The following APOBEC1 variants were observed in gnomAD, a reference collection of about 807,000 sequenced individuals.
APOBEC1 encodes apolipoprotein B mRNA editing enzyme catalytic subunit 1, also known as C->U-editing enzyme APOBEC-1.
APOBEC1 carries 22 observed loss-of-function variants against 26.3 expected under a neutral mutation model. The ratio of observed to expected loss-of-function variants is 0.84; its 90% CI spans 0.60 to 1.19. The LOEUF (loss-of-function observed/expected upper bound fraction) is 1.19, where lower values mean the gene tolerates loss of function less well. APOBEC1 is among the 50% of genes most tolerant of loss of function. The pLI, the probability that APOBEC1 is intolerant of heterozygous loss-of-function variation, is 0.00. For missense variants in APOBEC1, 253 were observed against 289.0 expected (o/e 0.88, Z 0.90); for synonymous variants, 77 against 95.3 (o/e 0.81, Z 1.12).
chr12:7,660,647 G>T (rs976282661), intron 1 of APOBEC1, among the ~76,000 whole-genome samples: 3 of 146,072 alleles, frequency 2.1e-5, no homozygotes, highest in African/African-American at 2.6e-5. Context: ...AGCTTGCAGT[G>T]AGCCAAGAAT....
chr12:7,654,755 A>G, intron 1 of APOBEC1, 123 bp from the exon 2 acceptor site: 2 of 970,014 alleles, frequency 2.1e-6, no homozygotes, highest in African/African-American at 1.6e-5. Context: ...AGATTCTCTC[A>G]TGGATTAATT....
chr12:7,650,601 T>C (rs1863623954), intron 4 of APOBEC1, among the ~76,000 whole-genome samples: 1 of 152,208 alleles, frequency 6.6e-6, no homozygotes, highest in Non-Finnish European at 1.5e-5. Context: ...GTTTGATACA[T>C]AATTTTCTTT....
chr12:7,652,554 C>T lies in APOBEC1; in HGVS notation c.326G>A (p.Gly109Asp), dbSNP rs777380228. The T allele has an allele frequency of 5.3e-5, 85 of 1,614,172 alleles. 1 individual carries two copies. The South Asian group carries it at 8.6e-4, about 16-fold the overall frequency. ...AGCTACGTAGATCACTAGAGTCACA[C>T]CAGGGTGCCGACTCAGAAACTCTCT... ...AIREFLSRHP[G>D]VTLVIYVARL... The change falls in exon 3 of 5, where the codon GGT (glycine) becomes GAT (aspartate). Residue 109 changes from glycine (G) to aspartate (D), a missense_variant. By Grantham distance (94) the Gly-to-Asp change is moderately conservative. Coordinates refer to ENST00000229304, the MANE Select transcript of APOBEC1 (RefSeq NM_001644.5).
At chr12:7,659,624 C>T (rs935420163) in intron 1 of APOBEC1, among the ~76,000 whole-genome samples, 2 of 151,990 alleles carry the variant, frequency 1.3e-5, no homozygotes, top group Non-Finnish European at 2.9e-5. Flanking sequence ...TAAACTGGTA[C>T]AGCCATACTG....
intron 1 of APOBEC1, among the ~76,000 whole-genome samples, chr12:7,657,043 C>CGTGTGTGT (rs6144603): frequency 0.028 from 4,131 of 148,678 alleles, 73 homozygotes; most frequent in South Asian, 0.052. Context: ...GTTGTATATA[C>CGTGTGTGT]GTGTGTGTGT....
At chr12:7,667,614 G>A (rs747083887), upstream of APOBEC1, among the ~76,000 whole-genome samples, 1 of 152,238 alleles carries the variant, frequency 6.6e-6, no homozygotes, top group South Asian at 2.1e-4. Context: ...TAGAATCATT[G>A]TAGAATAAAA....
chr12:7,660,590 C>T (rs2136852311), intron 1 of APOBEC1, among the ~76,000 whole-genome samples: 1 of 150,162 alleles, frequency 6.7e-6, no homozygotes, highest in African/African-American at 2.4e-5. Context: ...GTAATCCCAG[C>T]TACTCAGGAG....
intron 1 of APOBEC1, among the ~76,000 whole-genome samples, chr12:7,661,503 AG>A (rs1863819983): frequency 8.8e-6 from 1 of 113,366 alleles, no homozygotes; most frequent in Non-Finnish European, 2.0e-5. Context: ...ATAGATAGAT[AG>A]ATAGATAGAT....
chr12:7,662,752 G>C (rs1565443251), intron 1 of APOBEC1, among the ~76,000 whole-genome samples: 1 of 152,144 alleles, frequency 6.6e-6, no homozygotes, highest in Non-Finnish European at 1.5e-5. Context: ...GTCGGGGAAG[G>C]GGAGAGCTTT....
At chr12:7,659,495 C>G (rs189303901) in intron 1 of APOBEC1, among the ~76,000 whole-genome samples, 83 of 151,248 alleles carry the variant, frequency 5.5e-4, no homozygotes, top group African/African-American at 1.7e-3. Context: ...TTCCTACACA[C>G]CTATCAGAAT....
At chr12:7,670,121 T>C (rs59176515), upstream of APOBEC1, among the ~76,000 whole-genome samples, 1 of 129,420 alleles carries the variant, frequency 7.7e-6, no homozygotes, top group African/African-American at 3.0e-5. Flanking sequence ...GTAGCTGGGA[T>C]TACAGGCGTG....
chr12:7,651,569 A>G (rs11611063), intron 3 of APOBEC1, among the ~76,000 whole-genome samples: 79,857 of 147,012 alleles, frequency 0.54, 22,707 homozygotes, highest in Middle Eastern at 0.65. Context: ...TCGAGATTGC[A>G]CCACTGCACT....
intron 1 of APOBEC1, among the ~76,000 whole-genome samples, chr12:7,665,516 T>C (rs779444915): frequency 1.2e-4 from 19 of 152,156 alleles, no homozygotes; most frequent in Admixed American, 1.2e-3. Context: ...CAGGCTGGTC[T>C]CAAACCCTGG....
intron 1 of APOBEC1, among the ~76,000 whole-genome samples, chr12:7,664,137 G>T (rs977953720): frequency 1.3e-5 from 2 of 152,094 alleles, no homozygotes; most frequent in African/African-American, 2.4e-5. Context: ...TTACAGGTGT[G>T]AGCCATCACA....
chr12:7,654,249 T>C (rs1863683569), intron 2 of APOBEC1, among the ~76,000 whole-genome samples: 1 of 148,418 alleles, frequency 6.7e-6, no homozygotes, highest in Non-Finnish European at 1.5e-5. Context: ...TCAAAAGACA[T>C]AAGAGCAAAG....
intron 1 of APOBEC1, among the ~76,000 whole-genome samples, chr12:7,656,936 A>C (rs188378276): frequency 6.6e-6 from 1 of 152,134 alleles, no homozygotes; most frequent in East Asian, 1.9e-4. Flanking sequence ...CTGTGTAAGA[A>C]TACTTCTCTT....
At chr12:7,663,589 G>A (rs971725904) in intron 1 of APOBEC1, among the ~76,000 whole-genome samples, 3 of 152,058 alleles carry the variant, frequency 2.0e-5, no homozygotes, top group Non-Finnish European at 4.4e-5. Flanking sequence ...CACATCATAG[G>A]AAAAAGGCAT....
At chr12:7,660,379 A>AAGGAAGGAAG (rs1565442397) in intron 1 of APOBEC1, among the ~76,000 whole-genome samples, 9 of 27,596 alleles carry the variant, frequency 3.3e-4, no homozygotes, top group Non-Finnish European at 5.3e-4. Context: ...AAGGAAGGAA[A>AAGGAAGGAAG]GAAAGAAAGA....
At chr12:7,660,162 G>T (rs191516610) in intron 1 of APOBEC1, among the ~76,000 whole-genome samples, 351 of 151,172 alleles carry the variant, frequency 2.3e-3, no homozygotes, top group Non-Finnish European at 3.8e-3. Flanking sequence ...AATTAGCCAG[G>T]TGTGGTGGCA....
Sources: allele counts gnomAD v4.1 joint callset (sites outside exome capture counted in the v4.1 genomes callset), GRCh38; gene constraint gnomAD v4.1.1; transcripts MANE v1.5; gene names NCBI Gene and HGNC (gene_info 2026-07-23, HGNC 2026-07-21).